CPZ: variants seen among roughly 807,000 people sequenced by gnomAD.
CPZ encodes VEZT/CPZ fusion.
In CPZ, 103 loss-of-function variants were observed where a neutral mutation model predicts 61.8. The observed-to-expected ratio is 1.67, with a 90% CI of 1.42 to 1.96. CPZ has a LOEUF of 1.96. CPZ is among the 30% of genes most tolerant of loss of function. The pLI, the probability that CPZ is intolerant of heterozygous loss-of-function variation, is 0.00. For synonymous variants in CPZ, 551 were observed against 373.7 expected, an observed-to-expected ratio of 1.47 and a Z score of -5.47; for missense variants, 1,461 against 914.9, an observed-to-expected ratio of 1.60 and a Z score of -7.70.
chr4:8,601,379 G>C lies in CPZ; in HGVS notation c.378G>C (p.Arg126=). The change falls in exon 3 of 11, where the codon CGG becomes CGC. Residue 126 remains arginine (R), a synonymous_variant. Coordinates refer to ENST00000360986, the MANE Select transcript of CPZ (RefSeq NM_001014447.3). ...RPCRHICEGL[R]EVCQPAFDAI... is the part of the protein sequence containing the mutation. The stretch of plus-strand genomic sequence containing the variant: ...GCCGGCACATCTGCGAGGGCCTGCG[G>C]GAGGTCTGCCAGCCCGCCTTCGACG... 6.2e-7 allele frequency: 1 copy of C among 1,600,586 alleles called. No individual in the cohort carries two copies. Among genetic ancestry groups the C allele is most frequent in the South Asian group, 1.1e-5 (1 of 89,754 alleles).
intron 3 of CPZ, 114 bp downstream of exon 3, chr4:8,601,611 C>T: frequency 8.4e-7 from 1 of 1,183,890 alleles, no homozygotes; most frequent in South Asian, 1.8e-5. Flanking sequence ...ACGGTGCAGG[C>T]ATTGGTAGAG....
chr4:8,614,341 G>T lies in CPZ; in HGVS notation c.1364-18G>T. The T allele has an allele frequency of 6.2e-7, 1 of 1,607,282 alleles. No homozygotes were observed. Among genetic ancestry groups the T allele is most frequent in the South Asian group, 1.1e-5 (1 of 90,378 alleles). On this transcript the variant is annotated intron_variant, in intron 8 of 10. Coordinates refer to ENST00000360986, the MANE Select transcript of CPZ (RefSeq NM_001014447.3). The stretch of plus-strand genomic sequence containing the variant: ...TGCGGCTGACACCCCTGACGTCCCC[G>T]CTGTCTCTGTGCCACAGGCATGTCC...
intron 8 of CPZ, among the ~76,000 whole-genome samples, chr4:8,613,775 G>C (rs760337509): frequency 6.6e-6 from 1 of 152,216 alleles, no homozygotes; most frequent in Non-Finnish European, 1.5e-5. Flanking sequence ...CTGGCCAGGT[G>C]GCTGGTTGTC....
In CPZ at chr4:8,592,858, C is replaced by A. The variant is rs1312115962; in HGVS notation, c.25C>A (p.Leu9Ile). Residue 9 changes from leucine (L) to isoleucine (I), a missense_variant, in exon 1 of 11, where the codon CTC (leucine) becomes ATC (isoleucine). Leu to Ile is a conservative substitution (Grantham distance 5). Transcript: ENST00000360986. MPPPLPLL[L>I]LTVLVVAAAR... Reference sequence around the variant, plus strand: ...CATGCCGCCCCCGCTGCCGCTGCTGCTCCTTACAGTCCTGGTCGTCGCCGC... The same window carrying A: ...CATGCCGCCCCCGCTGCCGCTGCTGATCCTTACAGTCCTGGTCGTCGCCGC... 6.6e-7 allele frequency: 1 copy of A among 1,515,254 alleles called. No homozygotes were observed. Among genetic ancestry groups the A allele is most frequent in the Non-Finnish European group, 8.8e-7 (1 of 1,136,462 alleles). The allele number at this position is 1,515,254 out of a possible 1,614,324, so 93.9% of individuals were successfully genotyped here. A position where few individuals can be genotyped will look rare whatever the true frequency, so the allele number is the denominator to read the frequency against.
intron 7 of CPZ, among the ~76,000 whole-genome samples, chr4:8,609,271 A>G (rs1430772802): frequency 2.7e-5 from 3 of 109,880 alleles, no homozygotes; most frequent in South Asian, 5.7e-4. Flanking sequence ...TCTCTTATTC[A>G]TTCACACACT....
chr4:8,598,525 C>T (rs1197779474), intron 1 of CPZ, among the ~76,000 whole-genome samples: 2 of 152,226 alleles, frequency 1.3e-5, no homozygotes, highest in African/African-American at 4.8e-5. Context: ...CCCCCTGCAC[C>T]CACTCCACAC....
At position 8,607,279 on chromosome 4, in the gene CPZ, A is replaced by T. The variant is rs769481357; in HGVS notation, c.1081A>T (p.Thr361Ser). The stretch of plus-strand genomic sequence containing the variant: ...CTGTCCTGGGCAGGTGGCCCCGGAG[A>T]CAAAGGCAATCATGAAGTGGATGCA... Reference protein sequence around the residue: ...HYWWGKVAPETKAIMKWMQTI... With the variant: ...HYWWGKVAPESKAIMKWMQTI... Residue 361 changes from threonine (T) to serine (S), a missense_variant, in exon 7 of 11, where the codon ACA (threonine) becomes TCA (serine). Transcript: ENST00000360986. 7.4e-6 allele frequency: 12 copies of T among 1,614,006 alleles called. No individual in the cohort carries two copies. The South Asian group carries it at 1.1e-4, about 15-fold the overall frequency.
chr4:8,599,448 T>G lies in CPZ; in HGVS notation c.89-5T>G, dbSNP rs1466083077. The G allele has an allele frequency of 6.2e-7, 1 of 1,609,252 alleles. No individual in the cohort carries two copies. The highest frequency in any genetic ancestry group is 8.5e-7 in the Non-Finnish European group (1 of 1,177,120). ...TCCCTAACAGTGCCATGTCTCTCTT[T>G]CCAGGTGAATGCCACAGGCCACCAG... On this transcript the variant is annotated splice_region_variant and splice_polypyrimidine_tract_variant and intron_variant, in intron 1 of 10. Coordinates refer to ENST00000360986, the MANE Select transcript of CPZ (RefSeq NM_001014447.3).
At chr4:8,597,398 C>T (rs1303239743) in intron 1 of CPZ, 4 of 152,172 alleles carry the variant, frequency 2.6e-5, no homozygotes, top group Admixed American at 2.6e-4. Flanking sequence ...AGCTGTCATG[C>T]CTCCTTTATG....
Position 8,611,327 on chromosome 4 carries a change from T to C in CPZ, c.1228-700T>C, listed in dbSNP as rs548323097. ...CCCACAAAGGAGGATCTGTGGACTC[T>C]GCCTGGGGGATGGGCACAATGCGGG... On this transcript the variant is annotated intron_variant, in intron 7 of 10. Coordinates refer to ENST00000360986, the MANE Select transcript of CPZ (RefSeq NM_001014447.3). 16 of 451,748 alleles carry C rather than the reference T, an allele frequency of 3.5e-5. No homozygotes were observed. The East Asian group carries it at 6.3e-4, about 18-fold the overall frequency. 28.0% of individuals were successfully genotyped at this position (451,748 alleles called of 1,614,324 possible).
chr4:8,616,988 C>T (rs1290630836), intron 9 of CPZ, among the ~76,000 whole-genome samples: 1 of 152,184 alleles, frequency 6.6e-6, no homozygotes, highest in Non-Finnish European at 1.5e-5. Flanking sequence ...TTCCCGAGAT[C>T]CCTGTGGCAC....
rs1361752030 is a variant in CPZ, at chr4:8,606,889, G to A, written c.1059G>A (p.Trp353Ter). Residue 353 changes from tryptophan to a stop codon, truncating the protein, a stop_gained, in exon 6 of 11, where the codon TGG becomes TGA. Coordinates refer to ENST00000360986, the MANE Select transcript of CPZ (RefSeq NM_001014447.3). LOFTEE classifies it high-confidence loss of function. ...ACATCCCCATCCCCCAGCACTACTGGTGGGGTAAGGTAGGAGCCGCCGCTG... is the reference window on the plus strand; with the variant it reads ...ACATCCCCATCCCCCAGCACTACTGATGGGGTAAGGTAGGAGCCGCCGCTG... The part of the protein sequence containing the change: ...SDHIPIPQHY[W>*]WGKVAPETKA... 2 of 1,609,884 alleles carry A rather than the reference G, an allele frequency of 1.2e-6. No homozygotes were observed. Among genetic ancestry groups the A allele is most frequent in the East Asian group, 2.2e-5 (1 of 44,730 alleles).
At chr4:8,608,134 C>CTCCAGCCTCCAGCTTCCAGCT (rs1553877368) in intron 7 of CPZ, among the ~76,000 whole-genome samples, 3 of 140,838 alleles carry the variant, frequency 2.1e-5, no homozygotes, top group East Asian at 2.2e-4. Flanking sequence ...GGGCCCCAGC[C>CTCCAGCCTCCAGCTTCCAGCT]TCCAGCCCCC....
intron 4 of CPZ, 142 bp downstream of exon 4, chr4:8,604,330 C>T (rs575935267): frequency 9.7e-5 from 69 of 707,744 alleles, no homozygotes; most frequent in Middle Eastern, 4.1e-4. Context: ...GTGCAGGCCA[C>T]GTCCCGCTGG....
chr4:8,612,436 A>G (rs1354491064), intron 8 of CPZ, among the ~76,000 whole-genome samples: 1 of 152,222 alleles, frequency 6.6e-6, no homozygotes, highest in African/African-American at 2.4e-5. Context: ...CCCATGACCA[A>G]TACCTTTGTG....
At position 8,619,688 on chromosome 4, in the gene CPZ, A is replaced by AT. The variant is rs1325131002; in HGVS notation, c.*75dup. The AT allele has an allele frequency of 5.8e-6, 7 of 1,213,154 alleles. No individual in the cohort carries two copies. The highest frequency in any genetic ancestry group is 5.4e-5 in the East Asian group (2 of 36,716). 75.1% of individuals were successfully genotyped at this position (1,213,154 alleles called of 1,614,324 possible). On this transcript the variant is annotated 3_prime_UTR_variant, in exon 11 of 11. Coordinates refer to ENST00000360986, the MANE Select transcript of CPZ (RefSeq NM_001014447.3). ...CCGCATCCCGGGCTCCTGGCTCTTGATTTTGTCTGCCACAGACATCCCACA... is the reference window on the plus strand; with the variant it reads ...CCGCATCCCGGGCTCCTGGCTCTTGATTTTTGTCTGCCACAGACATCCCACA...
At chr4:8,601,572 G>A (rs1714579387) in intron 3 of CPZ, 75 bp downstream of exon 3, 1 of 1,369,370 alleles carries the variant, frequency 7.3e-7, no homozygotes. Context: ...CACACTGGAA[G>A]GAACTTGAGG....
chr4:8,614,137 T>C (rs1715951990), intron 8 of CPZ, among the ~76,000 whole-genome samples: 1 of 152,264 alleles, frequency 6.6e-6, no homozygotes, highest in South Asian at 2.1e-4. Context: ...TGGTCCACCT[T>C]GCAGTTGTTC....
In CPZ at chr4:8,600,564, T is replaced by A. The variant is rs3756170; in HGVS notation, c.122-559T>A. On this transcript the variant is annotated intron_variant, in intron 2 of 10. Transcript: ENST00000360986. ...CAGCTGTGATGAGGAAGCAGGAAGG[T>A]GCCCAGCAACAATGAGGACCCTACC... Among the ~76,000 whole-genome samples, 462 of 152,196 alleles carry A rather than the reference T, an allele frequency of 3.0e-3. 17 individuals are homozygous for A. The East Asian group carries it at 0.083, about 27-fold the overall frequency.
Sources: gnomAD v4.1 joint callset for allele counts (sites outside exome capture counted in the v4.1 genomes callset) on GRCh38, gnomAD v4.1.1 for gene constraint, MANE v1.5 for transcripts, NCBI Gene and HGNC (gene_info 2026-07-23, HGNC 2026-07-21) for gene names.